PGM1: variants seen among roughly 807,000 people sequenced by gnomAD.
The protein encoded by PGM1 is phosphoglucomutase 1, also known as phosphoglucomutase-1.
In PGM1, 52 loss-of-function variants were observed where a neutral mutation model predicts 55.6. That is an observed-to-expected ratio of 0.94 (90% CI 0.75 to 1.18). The LOEUF (loss-of-function observed/expected upper bound fraction) is 1.18, where lower values mean the gene tolerates loss of function less well. Ranked by LOEUF, PGM1 falls within the 50% of genes most tolerant of loss-of-function variation. The probability of loss-of-function intolerance (pLI) is 0.00; values close to 1 mark genes in which losing one functional copy is unlikely to be tolerated. For missense variants in PGM1, 724 were observed against 729.3 expected (o/e 0.99, Z 0.08); for synonymous variants, 287 against 271.7 (o/e 1.06, Z -0.55).
chr1:63,619,435 G>A (rs1003647841), intron 1 of PGM1, among the ~76,000 whole-genome samples: 1 of 152,176 alleles, frequency 6.6e-6, no homozygotes, highest in Non-Finnish European at 1.5e-5. Flanking sequence ...TAGAAAGCTG[G>A]CAGAGGAACA....
At chr1:63,628,655 A>G (rs1469926999) in intron 1 of PGM1, among the ~76,000 whole-genome samples, 1 of 152,240 alleles carries the variant, frequency 6.6e-6, no homozygotes, top group African/African-American at 2.4e-5. Flanking sequence ...TGAAACAGAT[A>G]TAAATTACTG....
At chr1:63,641,312 T>A (rs1333708054) in intron 7 of PGM1, among the ~76,000 whole-genome samples, 1 of 152,122 alleles carries the variant, frequency 6.6e-6, no homozygotes, top group Non-Finnish European at 1.5e-5. Context: ...AAAAGAAAAT[T>A]TTTGTGTAAT....
At chr1:63,593,776 G>C (rs1557699246) in intron 1 of PGM1, 42 bp downstream of exon 1, 8 of 1,529,876 alleles carry the variant, frequency 5.2e-6, no homozygotes, top group Non-Finnish European at 7.0e-6. Context: ...ACCCTGGCGC[G>C]TGTGCGACGT....
intron 8 of PGM1, chr1:63,651,452 G>T (rs1368959290): frequency 7.2e-6 from 4 of 553,376 alleles, no homozygotes; most frequent in Non-Finnish European, 1.3e-5. Context: ...TTATTCAGAA[G>T]CTCATAACCC....
chr1:63,644,657 A>G (rs745373297), intron 7 of PGM1, among the ~76,000 whole-genome samples: 32 of 152,248 alleles, frequency 2.1e-4, no homozygotes, highest in Non-Finnish European at 4.3e-4. Flanking sequence ...CTCACAATGT[A>G]TAAACTATTT....
At chr1:63,638,605 A>G in intron 6 of PGM1, 80 bp from the exon 7 acceptor site, 1 of 887,590 alleles carries the variant, frequency 1.1e-6, no homozygotes, top group Non-Finnish European at 1.9e-6. Context: ...TGATTACAAT[A>G]ACGATTGCCC....
In PGM1 at chr1:63,650,655, A is replaced by G. The variant is rs1377456632; in HGVS notation, c.1281-1014A>G. Among the ~76,000 whole-genome samples, 4 of 152,244 alleles carry G rather than the reference A, an allele frequency of 2.6e-5. No individual in the cohort carries two copies. The South Asian group carries it at 8.3e-4, about 32-fold the overall frequency. On this transcript the variant is annotated intron_variant, in intron 8 of 10. Transcript: ENST00000371084. Reference sequence around the variant, plus strand: ...GACTCTGCTATCTTGAGCTTCTAAAAAATAACTCTCTCAAGAGGGTGTATG... The same window carrying G: ...GACTCTGCTATCTTGAGCTTCTAAAGAATAACTCTCTCAAGAGGGTGTATG...
chr1:63,599,052 A>G (rs921839308), intron 1 of PGM1, among the ~76,000 whole-genome samples: 1 of 152,198 alleles, frequency 6.6e-6, no homozygotes, highest in Admixed American at 6.5e-5. Context: ...ACTGAGCAGG[A>G]AGGGGAAGGT....
At chr1:63,648,844 T>C (rs973442399) in intron 8 of PGM1, among the ~76,000 whole-genome samples, 192 bp downstream of exon 8, 3 of 152,104 alleles carry the variant, frequency 2.0e-5, no homozygotes, top group African/African-American at 7.2e-5. Flanking sequence ...CCATAAAGAG[T>C]GAGGCTTTAA....
At chr1:63,607,956 A>C (rs1162838469) in intron 1 of PGM1, among the ~76,000 whole-genome samples, 1 of 152,242 alleles carries the variant, frequency 6.6e-6, no homozygotes, top group Non-Finnish European at 1.5e-5. Flanking sequence ...TCTTTTTCCA[A>C]AGTTCAAATC....
intron 1 of PGM1, among the ~76,000 whole-genome samples, chr1:63,625,520 A>G (rs996760935): frequency 2.6e-5 from 4 of 152,194 alleles, no homozygotes; most frequent in African/African-American, 9.7e-5. Context: ...TTTCTAACAT[A>G]TCCTAAATTC....
intron 1 of PGM1, among the ~76,000 whole-genome samples, chr1:63,601,442 A>G (rs1189541503): frequency 6.6e-6 from 1 of 152,206 alleles, no homozygotes; most frequent in East Asian, 1.9e-4. Flanking sequence ...AGTGAGCTAC[A>G]CTTCTAAGAA....
intron 4 of PGM1, 77 bp downstream of exon 4, chr1:63,631,859 C>T: frequency 7.3e-7 from 1 of 1,370,476 alleles, no homozygotes; most frequent in Non-Finnish European, 1.0e-6. Context: ...CATGATGCTT[C>T]AACAAGCCTT....
At chr1:63,602,046 T>C (rs1322652024) in intron 1 of PGM1, among the ~76,000 whole-genome samples, 1 of 152,170 alleles carries the variant, frequency 6.6e-6, no homozygotes, top group African/African-American at 2.4e-5. Context: ...GACAGAAATA[T>C]TTGGTTGACT....
intron 6 of PGM1, among the ~76,000 whole-genome samples, chr1:63,638,458 A>G (rs1314472273): frequency 1.3e-5 from 2 of 152,236 alleles, no homozygotes; most frequent in Non-Finnish European, 1.5e-5. Flanking sequence ...ATTAAACTCC[A>G]TGATCTGAAT....
intron 8 of PGM1, among the ~76,000 whole-genome samples, chr1:63,649,765 C>T (rs1294189086): frequency 1.3e-5 from 2 of 152,078 alleles, no homozygotes; most frequent in African/African-American, 4.8e-5. Flanking sequence ...TACCTGACAC[C>T]ACACAGTAGC....
intron 1 of PGM1, among the ~76,000 whole-genome samples, chr1:63,628,796 G>A (rs1475359452): frequency 1.3e-5 from 2 of 152,124 alleles, no homozygotes; most frequent in Non-Finnish European, 2.9e-5. Flanking sequence ...GGTTTACTCA[G>A]GAATAACTCC....
intron 1 of PGM1, among the ~76,000 whole-genome samples, chr1:63,624,169 A>G (rs2100977398): frequency 6.6e-6 from 1 of 152,246 alleles, no homozygotes; most frequent in South Asian, 2.1e-4. Context: ...TTTCTTGTTG[A>G]AGTTCAGTCA....
chr1:63,651,754 G>A lies in PGM1; in HGVS notation c.1366G>A (p.Gly456Arg). ...CCTGATGTTTGATCGCTCCTTTGTG[G>A]GGAAGCAGTTCTCAGCAAATGACAA... ...EALMFDRSFVGKQFSANDKVY... is the reference protein window; with the variant it reads ...EALMFDRSFVRKQFSANDKVY... The change falls in exon 9 of 11, where the codon GGG becomes AGG. Residue 456 changes from glycine (G) to arginine (R), a missense_variant. Around this residue, in one of 3 missense-constraint regions of PGM1, gnomAD observed 316 missense variants for 313.1 expected, o/e 1.01. Transcript: ENST00000371084. 1 of 1,613,882 alleles carries A rather than the reference G, an allele frequency of 6.2e-7. No individual in the cohort carries two copies. Among genetic ancestry groups the A allele is most frequent in the Non-Finnish European group, 8.5e-7 (1 of 1,179,846 alleles).
Sources: gnomAD v4.1 joint callset for allele counts (sites outside exome capture counted in the v4.1 genomes callset) on GRCh38, gnomAD v4.1.1 for gene constraint, gnomAD v4.1.1 regional missense constraint, MANE v1.5 for transcripts, NCBI Gene and HGNC (gene_info 2026-07-23, HGNC 2026-07-21) for gene names.